Variants in TG observed in about 807,000 individuals in gnomAD.
The protein encoded by TG is thyroid hormones.
A neutral mutation model predicts 324.7 loss-of-function variants in TG; 270 were observed. The ratio of observed to expected loss-of-function variants is 0.83; its 90% CI spans 0.75 to 0.92. The LOEUF is 0.92. Among genes scored for constraint, TG ranks in the 40% least tolerant of loss-of-function variants. The pLI, the probability that TG is intolerant of heterozygous loss-of-function variation, is 0.00. For missense variants in TG, 3,591 were observed against 3,456.4 expected, an observed-to-expected ratio of 1.04 and a Z score of -0.98; for synonymous variants, 1,401 against 1,327.0, an observed-to-expected ratio of 1.06 and a Z score of -1.21.
chr8:133,088,599 C>G (rs1846989853), intron 41 of TG, among the ~76,000 whole-genome samples: 1 of 152,160 alleles, frequency 6.6e-6, no homozygotes, highest in Admixed American at 6.5e-5. Context: ...TAGAAGGTGC[C>G]TTATAAATGT....
chr8:132,868,780 C>G (rs989947051), intron 2 of TG, among the ~76,000 whole-genome samples: 1 of 152,226 alleles, frequency 6.6e-6, no homozygotes, highest in African/African-American at 2.4e-5. Context: ...GACTTGGGGC[C>G]TGAGACCCTC....
intron 11 of TG, among the ~76,000 whole-genome samples, chr8:132,896,864 G>A (rs1316581323): frequency 6.6e-6 from 1 of 152,194 alleles, no homozygotes; most frequent in Non-Finnish European, 1.5e-5. Flanking sequence ...TATGTACTAT[G>A]TTGGTGGTGG....
Position 132,961,078 on chromosome 8 carries a change from G to A in TG, c.5467+5G>A, listed in dbSNP as rs1208373625. On this transcript the variant is annotated splice_donor_5th_base_variant and intron_variant, in intron 28 of 47. Transcript: ENST00000220616. ...AGCAGGTTTATCTCTGGAAAGGTGA[G>A]CTCCGTGGTGGAAGAGGGGGTTAGC... 1.2e-6 allele frequency: 2 copies of A among 1,614,032 alleles called. No individual in the cohort carries two copies. Among genetic ancestry groups the A allele is most frequent in the East Asian group, 2.2e-5 (1 of 44,880 alleles).
chr8:133,013,435 A>G (rs1299127647), intron 36 of TG, among the ~76,000 whole-genome samples, 165 bp from the exon 37 acceptor site: 1 of 151,990 alleles, frequency 6.6e-6, no homozygotes, highest in African/African-American at 2.4e-5. Context: ...GGGTGGATGG[A>G]TGAATGGATG....
rs756163251 is a variant in TG, at chr8:132,887,015, C to T, written c.1643C>T (p.Thr548Ile). 2.5e-6 allele frequency: 4 copies of T among 1,614,254 alleles called. No homozygotes were observed. The East Asian group carries it at 8.9e-5, about 36-fold the overall frequency. ...AAGGATGGTACTATGAATAAGCCAA[C>T]TGTGGGCAGCTTTGGCTTTGAAATT... ...AKKDGTMNKP[T>I]VGSFGFEINL... Residue 548 changes from threonine (T) to isoleucine (I), a missense_variant, in exon 9 of 48, where the codon ACT (threonine) becomes ATT (isoleucine). Transcript: ENST00000220616.
At chr8:133,038,174 A>C in intron 41 of TG, 1 of 298,524 alleles carries the variant, frequency 3.3e-6, no homozygotes, top group South Asian at 3.5e-5. Context: ...CTGTCTGGAC[A>C]GGTCCAGTTC....
At chr8:133,094,947 G>A (rs2131634505) in intron 41 of TG, 97 bp from the exon 42 acceptor site, 3 of 1,560,372 alleles carry the variant, frequency 1.9e-6, no homozygotes, top group South Asian at 2.2e-5. Flanking sequence ...AAGCTTGGAG[G>A]AAGGATGCAG....
chr8:133,116,421 T>C (rs116400867), intron 44 of TG, among the ~76,000 whole-genome samples, 188 bp from the exon 45 acceptor site: 9,582 of 152,280 alleles, frequency 0.063, 1,014 homozygotes, highest in African/African-American at 0.22. Context: ...TACCCTGGCT[T>C]TCCCATCAAT....
intron 41 of TG, among the ~76,000 whole-genome samples, chr8:133,073,778 TC>T (rs1361585118): frequency 6.6e-6 from 1 of 151,884 alleles, no homozygotes; most frequent in Non-Finnish European, 1.5e-5. Flanking sequence ...TCGCTGAGGC[TC>T]CCCCAACCCT....
chr8:133,035,151 T>A (rs886946150), intron 41 of TG, among the ~76,000 whole-genome samples: 1 of 152,250 alleles, frequency 6.6e-6, no homozygotes, highest in Non-Finnish European at 1.5e-5. Flanking sequence ...TCATTCTTTG[T>A]TTCCTGATCA....
At chr8:132,910,450 T>G (rs917164858) in intron 18 of TG, among the ~76,000 whole-genome samples, 6 of 152,198 alleles carry the variant, frequency 3.9e-5, no homozygotes, top group Admixed American at 1.3e-4. Context: ...CTTGGAATGT[T>G]ACCTTTTGCC....
At chr8:133,063,049 T>G (rs1313235733) in intron 41 of TG, among the ~76,000 whole-genome samples, 1 of 152,246 alleles carries the variant, frequency 6.6e-6, no homozygotes, top group Non-Finnish European at 1.5e-5. Context: ...TTTGGGCTTC[T>G]GGGGAAAGTT....
chr8:133,020,718 G>A (rs1016763126), intron 39 of TG, among the ~76,000 whole-genome samples: 3 of 152,348 alleles, frequency 2.0e-5, no homozygotes, highest in Admixed American at 2.0e-4. Flanking sequence ...GCATTTCAAT[G>A]AGTGACTCCA....
At chr8:133,078,627 C>T (rs1845264101) in intron 41 of TG, among the ~76,000 whole-genome samples, 1 of 152,344 alleles carries the variant, frequency 6.6e-6, no homozygotes, top group Admixed American at 6.5e-5. Context: ...GTGCCAGACG[C>T]TATGCATGTA....
At chr8:133,023,806 A>G (rs1179611568) in intron 40 of TG, among the ~76,000 whole-genome samples, 1 of 152,112 alleles carries the variant, frequency 6.6e-6, no homozygotes, top group African/African-American at 2.4e-5. Flanking sequence ...TTATGATTTC[A>G]CAGAGTGTAA....
At chr8:132,898,094 A>G (rs1817381143) in intron 12 of TG, 75 bp from the exon 13 acceptor site, 5 of 1,411,170 alleles carry the variant, frequency 3.5e-6, no homozygotes, top group Non-Finnish European at 2.9e-6. Flanking sequence ...GTGAAGAAGG[A>G]AAGTTGTTTA....
At chr8:132,971,508 G>A (rs1829515769) in intron 32 of TG, among the ~76,000 whole-genome samples, 1 of 152,142 alleles carries the variant, frequency 6.6e-6, no homozygotes, top group African/African-American at 2.4e-5. Context: ...TAGCTTGGTT[G>A]GAGCCTGGCA....
chr8:133,023,529 T>A (rs1835741595), intron 40 of TG, among the ~76,000 whole-genome samples: 1 of 152,174 alleles, frequency 6.6e-6, no homozygotes, highest in Non-Finnish European at 1.5e-5. Context: ...TTGGAGAGTG[T>A]TTAAAGAATT....
chr8:132,950,327 G>A (rs926117323), intron 27 of TG, among the ~76,000 whole-genome samples: 12 of 152,224 alleles, frequency 7.9e-5, no homozygotes, highest in African/African-American at 2.7e-4. Flanking sequence ...GATAGACTGA[G>A]CACCTGATGT....
Sources: gnomAD v4.1 joint callset for allele counts (sites outside exome capture counted in the v4.1 genomes callset) on GRCh38, gnomAD v4.1.1 for gene constraint, MANE v1.5 for transcripts, NCBI Gene and HGNC (gene_info 2026-07-23, HGNC 2026-07-21) for gene names.